Variants in NTM observed in about 807,000 individuals in gnomAD.
NTM encodes the protein neurotrimin.
A neutral mutation model predicts 42.1 loss-of-function variants in NTM; 13 were observed. The ratio of observed to expected loss-of-function variants is 0.31; its 90% CI spans 0.20 to 0.49. The LOEUF (loss-of-function observed/expected upper bound fraction) is 0.49, where lower values mean the gene tolerates loss of function less well. Ranked by LOEUF, NTM falls within the 20% of genes least tolerant of loss-of-function variation. The pLI, the probability that NTM is intolerant of heterozygous loss-of-function variation, is 0.99. For missense variants in NTM, 373 were observed against 452.8 expected, an observed-to-expected ratio of 0.82 and a Z score of 1.60; for synonymous variants, 187 against 179.2, an observed-to-expected ratio of 1.04 and a Z score of -0.35.
At chr11:132,154,132 G>A (rs2072629441) in intron 3 of NTM, among the ~76,000 whole-genome samples, 1 of 152,234 alleles carries the variant, frequency 6.6e-6, no homozygotes, top group South Asian at 2.1e-4. Context: ...CTCAATATAT[G>A]GCTAGAAAGG....
intron 1 of NTM, among the ~76,000 whole-genome samples, chr11:131,843,768 G>T (rs1025980918): frequency 6.6e-6 from 1 of 152,144 alleles, no homozygotes; most frequent in Non-Finnish European, 1.5e-5. Context: ...TTTCCTGATT[G>T]CTAGTGTGGT....
At chr11:132,297,009 G>T (rs1232897963) in intron 4 of NTM, among the ~76,000 whole-genome samples, 1 of 152,176 alleles carries the variant, frequency 6.6e-6, no homozygotes, top group East Asian at 1.9e-4. Context: ...AGGGCTTTCA[G>T]TCATGTCTCC....
chr11:132,333,266 C>T (rs1050715559), intron 8 of NTM, among the ~76,000 whole-genome samples: 5 of 152,228 alleles, frequency 3.3e-5, no homozygotes, highest in African/African-American at 4.8e-5. Flanking sequence ...TCCTCAGCCT[C>T]GGGCACAGAC....
intron 1 of NTM, among the ~76,000 whole-genome samples, chr11:131,865,226 T>C (rs2047014274): frequency 6.6e-6 from 1 of 152,196 alleles, no homozygotes; most frequent in Non-Finnish European, 1.5e-5. Flanking sequence ...GGCTGACAAA[T>C]GGCAAAAGCC....
At chr11:131,993,961 C>A (rs1387612329) in intron 2 of NTM, among the ~76,000 whole-genome samples, 1 of 149,140 alleles carries the variant, frequency 6.7e-6, no homozygotes, top group Non-Finnish European at 1.5e-5. Context: ...TGAGATCATG[C>A]CATTGTACTC....
chr11:131,960,925 G>A (rs925779446), intron 2 of NTM, among the ~76,000 whole-genome samples: 3 of 152,266 alleles, frequency 2.0e-5, no homozygotes, highest in South Asian at 4.1e-4. Flanking sequence ...ACAGAGATGC[G>A]TCATGCCTCC....
At chr11:131,895,893 A>G (rs554037575) in intron 1 of NTM, among the ~76,000 whole-genome samples, 3 of 152,204 alleles carry the variant, frequency 2.0e-5, no homozygotes, top group African/African-American at 7.2e-5. Flanking sequence ...GCATCTACAC[A>G]GTTTGTGATA....
chr11:131,537,350 G>C (rs929969214), intron 1 of NTM: 1 of 152,230 alleles, frequency 6.6e-6, no homozygotes, highest in South Asian at 2.1e-4. Context: ...AGACCTGACT[G>C]AAAGCAACAC....
chr11:131,620,135 TA>T (rs2062376333), intron 1 of NTM, among the ~76,000 whole-genome samples: 3 of 152,136 alleles, frequency 2.0e-5, no homozygotes, highest in Non-Finnish European at 4.4e-5. Context: ...AAGCACACAA[TA>T]AAAATAGCCA....
intron 2 of NTM, among the ~76,000 whole-genome samples, chr11:131,914,731 C>T (rs954879185): frequency 1.1e-4 from 17 of 152,182 alleles, no homozygotes; most frequent in African/African-American, 3.4e-4. Flanking sequence ...TCTGCCCTCC[C>T]GCTGGCATTC....
chr11:131,598,811 C>CTTCT (rs1431890344), intron 1 of NTM, among the ~76,000 whole-genome samples: 3 of 42,930 alleles, frequency 7.0e-5, no homozygotes, highest in East Asian at 7.2e-4. Context: ...TTCTTTCTTT[C>CTTCT]TTCTTTCTTT....
At chr11:131,380,099 G>A (rs918921949) in intron 1 of NTM, among the ~76,000 whole-genome samples, 5 of 152,040 alleles carry the variant, frequency 3.3e-5, no homozygotes, top group Admixed American at 1.3e-4. Flanking sequence ...TAAAGCACAC[G>A]AGCATGCTGT....
chr11:131,466,366 ACAGG>A (rs35708832), intron 1 of NTM, among the ~76,000 whole-genome samples: 4,964 of 152,276 alleles, frequency 0.033, 249 homozygotes, highest in African/African-American at 0.11. Flanking sequence ...TCTTATTACA[ACAGG>A]TGCTATTATT....
chr11:131,885,658 G>A (rs2050271018), intron 1 of NTM, among the ~76,000 whole-genome samples: 1 of 152,176 alleles, frequency 6.6e-6, no homozygotes, highest in African/African-American at 2.4e-5. Context: ...AGTTCACAGA[G>A]GGGAAGGAGT....
chr11:131,675,523 C>T (rs1275077783), intron 1 of NTM, among the ~76,000 whole-genome samples: 1 of 152,200 alleles, frequency 6.6e-6, no homozygotes, highest in Non-Finnish European at 1.5e-5. Flanking sequence ...TTTCATTTCT[C>T]ATGACAGCCC....
chr11:132,188,532 TTAGTC>T (rs1404667938), intron 3 of NTM, among the ~76,000 whole-genome samples: 1 of 152,144 alleles, frequency 6.6e-6, no homozygotes, highest in African/African-American at 2.4e-5. Context: ...TCTAAACACT[TTAGTC>T]TAGGAATATC....
intron 1 of NTM, among the ~76,000 whole-genome samples, chr11:131,386,242 C>T (rs898900573): frequency 6.6e-6 from 1 of 152,148 alleles, no homozygotes. Flanking sequence ...GGTATGATTC[C>T]ACTTTCACGA....
intron 2 of NTM, among the ~76,000 whole-genome samples, chr11:132,064,967 C>G (rs2081226185): frequency 6.6e-6 from 1 of 152,190 alleles, no homozygotes; most frequent in Non-Finnish European, 1.5e-5. Context: ...TATTGTCACA[C>G]TGACAAGGAT....
intron 7 of NTM, among the ~76,000 whole-genome samples, chr11:132,326,004 C>G (rs573833170): frequency 2.7e-5 from 4 of 146,140 alleles, no homozygotes; most frequent in Admixed American, 6.9e-5. Context: ...ACATCACACA[C>G]TGGGGACTGT....
Sources: gnomAD v4.1 joint callset for allele counts (sites outside exome capture counted in the v4.1 genomes callset) on GRCh38, gnomAD v4.1.1 for gene constraint, MANE v1.5 for transcripts, NCBI Gene and HGNC (gene_info 2026-07-23, HGNC 2026-07-21) for gene names.